Variants in ESRRG observed in about 807,000 individuals in gnomAD.
ESRRG encodes the protein estrogen related receptor gamma.
ESRRG carries 13 observed loss-of-function variants against 44.0 expected under a neutral mutation model. The ratio of observed to expected loss-of-function variants is 0.30; its 90% confidence interval spans 0.19 to 0.47. ESRRG has a LOEUF of 0.47. ESRRG is among the 20% of genes least tolerant of loss of function. The probability of loss-of-function intolerance (pLI) is 1.00; values close to 1 mark genes in which losing one functional copy is unlikely to be tolerated. For missense variants in ESRRG, 395 were observed against 580.6 expected (o/e 0.68, Z 3.29); for synonymous variants, 215 against 214.6 (o/e 1.00, Z -0.02).
chr1:216,508,759 TTCTC>T (rs1273049829), intron 6 of ESRRG, among the ~76,000 whole-genome samples: 2 of 152,208 alleles, frequency 1.3e-5, no homozygotes, highest in African/African-American at 4.8e-5. Flanking sequence ...CTGATATTCT[TTCTC>T]TCTATTTTTG....
chr1:217,112,373 G>A (rs1273197452), intron 1 of ESRRG, among the ~76,000 whole-genome samples: 3 of 152,168 alleles, frequency 2.0e-5, no homozygotes, highest in African/African-American at 7.2e-5. Flanking sequence ...TATGAAAGCT[G>A]CAAGGCCTTC....
chr1:216,657,691 G>A (rs1380614687), intron 2 of ESRRG, among the ~76,000 whole-genome samples: 3 of 152,096 alleles, frequency 2.0e-5, no homozygotes, highest in African/African-American at 7.2e-5. Flanking sequence ...GTGAGGTTGT[G>A]GCATACTGAA....
chr1:216,949,445 T>C (rs561254562), intron 1 of ESRRG, among the ~76,000 whole-genome samples: 2 of 152,270 alleles, frequency 1.3e-5, no homozygotes, highest in South Asian at 4.1e-4. Context: ...TGGCACACTA[T>C]CCACTTTGTA....
intron 1 of ESRRG, among the ~76,000 whole-genome samples, chr1:216,691,999 T>C (rs2079130036): frequency 6.6e-6 from 1 of 152,210 alleles, no homozygotes; most frequent in African/African-American, 2.4e-5. Context: ...ATAGCACATA[T>C]AATTATGTAC....
intron 2 of ESRRG, among the ~76,000 whole-genome samples, chr1:216,806,374 G>A (rs1173384713): frequency 6.6e-6 from 1 of 152,156 alleles, no homozygotes; most frequent in Non-Finnish European, 1.5e-5. Flanking sequence ...CTTATGACTA[G>A]AGTCACGGTC....
intron 1 of ESRRG, among the ~76,000 whole-genome samples, chr1:216,948,476 CAAAAAAAA>C (rs5780948): frequency 9.7e-6 from 1 of 103,394 alleles, no homozygotes; most frequent in East Asian, 3.3e-4. Flanking sequence ...GACTCCATCT[CAAAAAAAA>C]AAAAAAAAAA....
At chr1:216,758,706 A>C (rs538851653) in intron 2 of ESRRG, among the ~76,000 whole-genome samples, 1 of 152,154 alleles carries the variant, frequency 6.6e-6, no homozygotes, top group Non-Finnish European at 1.5e-5. Flanking sequence ...GGGAATCCTG[A>C]TAAAAGGCTA....
At chr1:216,563,635 G>A (rs1238389914) in intron 5 of ESRRG, among the ~76,000 whole-genome samples, 1 of 151,724 alleles carries the variant, frequency 6.6e-6, no homozygotes, top group Non-Finnish European at 1.5e-5. Flanking sequence ...TTACAGGATG[G>A]GTCAAGAAAA....
chr1:216,972,461 T>G (rs901377971), intron 1 of ESRRG, among the ~76,000 whole-genome samples: 3 of 152,188 alleles, frequency 2.0e-5, no homozygotes, highest in African/African-American at 7.2e-5. Flanking sequence ...TCAAATGTAC[T>G]TCACTGTAGG....
chr1:216,550,361 T>C (rs1255674531), intron 5 of ESRRG, among the ~76,000 whole-genome samples: 2 of 152,166 alleles, frequency 1.3e-5, no homozygotes, highest in Non-Finnish European at 2.9e-5. Context: ...TTACTATTCC[T>C]TAAAATGCGG....
intron 1 of ESRRG, among the ~76,000 whole-genome samples, chr1:216,986,775 C>T (rs2074950354): frequency 6.6e-6 from 1 of 151,994 alleles, no homozygotes; most frequent in African/African-American, 2.4e-5. Flanking sequence ...GCTTGAAATG[C>T]ATAGACCTAG....
At chr1:216,547,920 G>A (rs578003316) in intron 5 of ESRRG, among the ~76,000 whole-genome samples, 253 of 152,128 alleles carry the variant, frequency 1.7e-3, no homozygotes, top group Middle Eastern at 3.4e-3. Context: ...TAAAGTTCTG[G>A]TACAAAGCTT....
chr1:216,749,418 G>C (rs2091783907), intron 2 of ESRRG, among the ~76,000 whole-genome samples: 1 of 152,156 alleles, frequency 6.6e-6, no homozygotes, highest in African/African-American at 2.4e-5. Flanking sequence ...AGAGAGCCCA[G>C]TGTTTGGCAA....
At chr1:217,028,574 T>C (rs2081559897) in intron 1 of ESRRG, among the ~76,000 whole-genome samples, 1 of 152,240 alleles carries the variant, frequency 6.6e-6, no homozygotes, top group Non-Finnish European at 1.5e-5. Context: ...GGTTCAATTT[T>C]ATGTCTTTGG....
intron 2 of ESRRG, among the ~76,000 whole-genome samples, chr1:216,674,079 A>G (rs1339343): frequency 0.15 from 23,278 of 152,236 alleles, 2,231 homozygotes; most frequent in South Asian, 0.32. Context: ...GTGTAAACTG[A>G]GTTAACAAAA....
chr1:216,681,549 A>T (rs1452018754), intron 1 of ESRRG, among the ~76,000 whole-genome samples: 1 of 152,170 alleles, frequency 6.6e-6, no homozygotes, highest in Admixed American at 6.5e-5. Context: ...GACTTTAAAA[A>T]GCATTTCAAA....
chr1:216,675,168 C>G (rs1365383058), intron 2 of ESRRG, among the ~76,000 whole-genome samples: 1 of 151,900 alleles, frequency 6.6e-6, no homozygotes, highest in Non-Finnish European at 1.5e-5. Context: ...CGAGACCAGC[C>G]TGGCCAATGT....
At chr1:216,804,295 G>A (rs1273369004) in intron 2 of ESRRG, among the ~76,000 whole-genome samples, 9 of 152,056 alleles carry the variant, frequency 5.9e-5, no homozygotes, top group African/African-American at 2.2e-4. Context: ...AGTGACTGAC[G>A]CTCGCTTAAC....
intron 1 of ESRRG, among the ~76,000 whole-genome samples, chr1:217,013,263 A>G (rs1335077244): frequency 6.6e-6 from 1 of 152,226 alleles, no homozygotes; most frequent in African/African-American, 2.4e-5. Context: ...GCTAAGAAAA[A>G]GTATGTGCAG....
Sources: allele counts gnomAD v4.1 joint callset (sites outside exome capture counted in the v4.1 genomes callset), GRCh38; gene constraint gnomAD v4.1.1; transcripts MANE v1.5; gene names NCBI Gene and HGNC (gene_info 2026-07-23, HGNC 2026-07-21).